DYSF: variants seen among roughly 807,000 people sequenced by gnomAD.
The protein encoded by DYSF is dystrophy-associated fer-1-like 1.
DYSF carries 212 observed loss-of-function variants against 274.9 expected under a neutral mutation model. That is an observed-to-expected ratio of 0.77 (90% CI 0.69 to 0.86). DYSF has a LOEUF of 0.86. Ranked by LOEUF, DYSF falls within the 40% of genes least tolerant of loss-of-function variation. DYSF has a pLI of 0.00. For missense variants in DYSF, 2,666 were observed against 2,783.2 expected (o/e 0.96, Z 0.95); for synonymous variants, 1,091 against 1,078.7 (o/e 1.01, Z -0.22).
At chr2:71,577,777 C>G (rs542546629) in intron 30 of DYSF, among the ~76,000 whole-genome samples, 1 of 152,300 alleles carries the variant, frequency 6.6e-6, no homozygotes, top group East Asian at 1.9e-4. Flanking sequence ...CTGTCTTTGT[C>G]CCGGGATGTC....
intron 3 of DYSF, among the ~76,000 whole-genome samples, chr2:71,496,330 C>T (rs891293225): frequency 3.3e-5 from 5 of 152,062 alleles, no homozygotes; most frequent in African/African-American, 4.8e-5. Flanking sequence ...CCACGCTGTG[C>T]AGGGCCACAC....
At chr2:71,610,048 C>A (rs1028238956) in intron 36 of DYSF, among the ~76,000 whole-genome samples, 5 of 152,208 alleles carry the variant, frequency 3.3e-5, no homozygotes, top group African/African-American at 9.7e-5. Flanking sequence ...AGGTTGGGCA[C>A]TGCACAAGGA....
intron 42 of DYSF, among the ~76,000 whole-genome samples, chr2:71,645,540 C>T (rs2094553813): frequency 6.6e-6 from 1 of 151,648 alleles, no homozygotes; most frequent in Admixed American, 6.6e-5. Context: ...CCGCTAGGGT[C>T]TTGGGGGTTT....
chr2:71,571,061 A>G, intron 29 of DYSF: 1 of 410,660 alleles, frequency 2.4e-6, no homozygotes, highest in South Asian at 2.3e-5. Context: ...CACACAGATC[A>G]CACCCAGCAC....
intron 30 of DYSF, among the ~76,000 whole-genome samples, chr2:71,576,697 G>GA (rs1162544471): frequency 6.6e-6 from 1 of 152,220 alleles, no homozygotes; most frequent in East Asian, 1.9e-4. Flanking sequence ...GCGGGGAGCC[G>GA]AGGGGGCCGG....
intron 52 of DYSF, among the ~76,000 whole-genome samples, chr2:71,678,653 A>G (rs1010807199): frequency 6.6e-6 from 1 of 152,212 alleles, no homozygotes; most frequent in Non-Finnish European, 1.5e-5. Flanking sequence ...ACTGAATTGT[A>G]CACTTAACAT....
chr2:71,683,812 C>T (rs1257184306), intron 55 of DYSF, among the ~76,000 whole-genome samples: 3 of 152,232 alleles, frequency 2.0e-5, no homozygotes, highest in African/African-American at 7.2e-5. Flanking sequence ...TGTGAGTCCT[C>T]CAGGAGGAGG....
Position 71,682,510 on chromosome 2 carries a change from C to G in DYSF, c.6174-20C>G, listed in dbSNP as rs747793785. 6.2e-7 allele frequency: 1 copy of G among 1,614,098 alleles called. No homozygotes were observed. The highest frequency in any genetic ancestry group is 1.1e-5 in the South Asian group (1 of 91,070). Reference sequence around the variant, plus strand: ...CCCTAGTAAAGGATGCCCAGTTGACCTCCGGGATCTCGCTTCCAGGCGCCC... The same window carrying G: ...CCCTAGTAAAGGATGCCCAGTTGACGTCCGGGATCTCGCTTCCAGGCGCCC... On this transcript the variant is annotated intron_variant, in intron 54 of 55. Coordinates refer to ENST00000410020, the MANE Select transcript of DYSF (RefSeq NM_001130987.2).
chr2:71,669,633 C>T lies in DYSF; in HGVS notation c.5671C>T (p.Gln1891Ter), dbSNP rs2152956531. 1 of 1,614,198 alleles carries T rather than the reference C, an allele frequency of 6.2e-7. No homozygotes were observed. Residue 1891 changes from glutamine to a stop codon, truncating the protein, a stop_gained, in exon 51 of 56, where the codon CAA becomes TAA. Coordinates refer to ENST00000410020, the MANE Select transcript of DYSF (RefSeq NM_001130987.2). LOFTEE classifies it high-confidence loss of function. The stretch of plus-strand genomic sequence containing the variant: ...GATGATTGGCTTTGAAGAACACAAG[C>T]AAAAGACAGACGTGCATTATCGTTC... ...GWMIGFEEHK[Q>*]KTDVHYRSLG...
At chr2:71,684,788 C>T in intron 55 of DYSF, among the ~76,000 whole-genome samples, 1 of 152,190 alleles carries the variant, frequency 6.6e-6, no homozygotes. Flanking sequence ...TGTGACAGAG[C>T]TCTGTCGCTG....
At position 71,551,119 on chromosome 2, in the gene DYSF, G is replaced by C. The variant is rs1258200792; in HGVS notation, c.1655G>C (p.Gly552Ala). 8.1e-6 allele frequency: 13 copies of C among 1,614,100 alleles called. No individual in the cohort carries two copies. Among genetic ancestry groups the C allele is most frequent in the Non-Finnish European group, 1.1e-5 (13 of 1,180,012 alleles). ...TATGGCAGTCCCAGAGAGTTCACAG[G>C]CTTCCCAGACCCCTACACAGAGCTC... is the stretch of plus-strand genomic sequence containing the variant. ...NLYGSPREFT[G>A]FPDPYTELNT... The change falls in exon 18 of 56, where the codon GGC becomes GCC. Residue 552 changes from glycine (G) to alanine (A), a missense_variant. Gly to Ala is a moderately conservative substitution (Grantham distance 60). Around this residue, in one of 3 missense-constraint regions of DYSF, gnomAD observed 794 missense variants for 777.1 expected, o/e 1.02. Transcript: ENST00000410020.
At chr2:71,577,153 G>C (rs934869580) in intron 30 of DYSF, 4 of 153,150 alleles carry the variant, frequency 2.6e-5, no homozygotes, top group Admixed American at 1.3e-4. Flanking sequence ...ATTTGGACGG[G>C]GCCACAGGCC....
chr2:71,489,364 C>T (rs7574062), intron 3 of DYSF, among the ~76,000 whole-genome samples: 9,767 of 152,230 alleles, frequency 0.064, 486 homozygotes, highest in East Asian at 0.23. Flanking sequence ...TAGGAATCGG[C>T]GGGATGCTGC....
At chr2:71,521,656 C>T (rs1332661182) in intron 12 of DYSF, among the ~76,000 whole-genome samples, 2 of 152,074 alleles carry the variant, frequency 1.3e-5, no homozygotes, top group African/African-American at 4.8e-5. Flanking sequence ...GGACAGGGCC[C>T]CTGGGGTCTC....
chr2:71,658,652 G>A (rs930900241), intron 43 of DYSF, among the ~76,000 whole-genome samples: 15 of 152,166 alleles, frequency 9.9e-5, no homozygotes, highest in Non-Finnish European at 1.9e-4. Flanking sequence ...GGAAGCAAAA[G>A]CAGAAACACC....
At chr2:71,525,622 T>G (rs902552939) in intron 12 of DYSF, among the ~76,000 whole-genome samples, 1 of 152,140 alleles carries the variant, frequency 6.6e-6, no homozygotes, top group Non-Finnish European at 1.5e-5. Context: ...TCAATGCATG[T>G]GGGATGTGAT....
intron 13 of DYSF, 72 bp downstream of exon 13, chr2:71,526,418 T>TGGGGGGGGGGGTG: frequency 1.1e-5 from 3 of 261,506 alleles, no homozygotes; most frequent in East Asian, 9.4e-5. Context: ...GGGTGGGCGA[T>TGGGGGGGGGGGTG]GGCGGGCGGG....
At chr2:71,489,889 C>T (rs1467407240) in intron 3 of DYSF, among the ~76,000 whole-genome samples, 1 of 152,184 alleles carries the variant, frequency 6.6e-6, no homozygotes, top group African/African-American at 2.4e-5. Flanking sequence ...TCTCTGAAAC[C>T]GTTTCCTCAT....
chr2:71,498,957 T>A (rs992331881), intron 3 of DYSF, among the ~76,000 whole-genome samples: 1 of 152,258 alleles, frequency 6.6e-6, no homozygotes, highest in African/African-American at 2.4e-5. Flanking sequence ...GTTGAATGAA[T>A]AAATTCTAAG....
Sources: gnomAD v4.1 joint callset for allele counts (sites outside exome capture counted in the v4.1 genomes callset) on GRCh38, gnomAD v4.1.1 for gene constraint, gnomAD v4.1.1 regional missense constraint, MANE v1.5 for transcripts, NCBI Gene and HGNC (gene_info 2026-07-23, HGNC 2026-07-21) for gene names.